KLF12: variants seen among roughly 807,000 people sequenced by gnomAD.
KLF12 encodes KLF transcription factor 12.
A neutral mutation model predicts 37.8 loss-of-function variants in KLF12; 9 were observed. The ratio of observed to expected loss-of-function variants is 0.24; its 90% CI spans 0.14 to 0.42. KLF12 has a LOEUF of 0.42. KLF12 is among the 10% of genes least tolerant of loss of function. The probability of loss-of-function intolerance (pLI) is 1.00; values close to 1 mark genes in which losing one functional copy is unlikely to be tolerated. For missense variants in KLF12, 411 were observed against 516.0 expected (o/e 0.80, Z 1.97); for synonymous variants, 208 against 202.1 (o/e 1.03, Z -0.25).
At chr13:74,260,553 CTAAAATAAAA>C in the KLF12 span, among the ~76,000 whole-genome samples, 60 of 101,718 alleles carry the variant, frequency 5.9e-4, 1 homozygote, top group African/African-American at 2.7e-3. Context: ...AACACTGTTT[CTAAAATAAAA>C]TAAAATAAAA....
chr13:73,794,333 C>T (rs750005201), intron 5 of KLF12, among the ~76,000 whole-genome samples: 10 of 152,124 alleles, frequency 6.6e-5, no homozygotes, highest in Non-Finnish European at 1.3e-4. Context: ...TGATGGTATG[C>T]GCTTGTAGTC....
At chr13:74,067,993 G>A (rs186525839) in intron 1 of KLF12, among the ~76,000 whole-genome samples, 5 of 152,270 alleles carry the variant, frequency 3.3e-5, no homozygotes, top group Non-Finnish European at 7.4e-5. Flanking sequence ...ATTAACCAAT[G>A]AGCTCCATTC....
At chr13:73,822,628 TAG>T (rs1491381147) in intron 4 of KLF12, among the ~76,000 whole-genome samples, 2 of 152,202 alleles carry the variant, frequency 1.3e-5, no homozygotes, top group African/African-American at 4.8e-5. Context: ...CAACAGCTAC[TAG>T]AGTTTCATTT....
chr13:73,916,169 C>A (rs1177505289), intron 3 of KLF12, among the ~76,000 whole-genome samples: 2 of 151,302 alleles, frequency 1.3e-5, no homozygotes, highest in East Asian at 3.9e-4. Context: ...ATGAAACAGG[C>A]AAATAAACAG....
chr13:73,890,106 C>T (rs909064729), intron 3 of KLF12, among the ~76,000 whole-genome samples: 1 of 151,962 alleles, frequency 6.6e-6, no homozygotes, highest in Non-Finnish European at 1.5e-5. Context: ...ATAGTAGGAG[C>T]ATATCTGGTC....
At chr13:73,994,235 T>C (rs564800719) in intron 2 of KLF12, among the ~76,000 whole-genome samples, 1 of 152,188 alleles carries the variant, frequency 6.6e-6, no homozygotes, top group South Asian at 2.1e-4. Context: ...GGAAGGAAAA[T>C]ATGAAATTGT....
intron 1 of KLF12, among the ~76,000 whole-genome samples, chr13:73,996,748 G>C (rs1360521682): frequency 6.6e-6 from 1 of 152,126 alleles, no homozygotes; most frequent in African/African-American, 2.4e-5. Flanking sequence ...CCTCTGGACA[G>C]ACACAAAGAG....
At chr13:73,895,407 A>T (rs1887716200) in intron 3 of KLF12, among the ~76,000 whole-genome samples, 1 of 152,210 alleles carries the variant, frequency 6.6e-6, no homozygotes, top group Non-Finnish European at 1.5e-5. Context: ...CAACCAGGCA[A>T]CACTGTTCAC....
At chr13:73,697,668 C>T (rs969077221) in intron 7 of KLF12, among the ~76,000 whole-genome samples, 3 of 152,006 alleles carry the variant, frequency 2.0e-5, no homozygotes, top group Admixed American at 1.3e-4. Context: ...ATCTTTGGTA[C>T]ATTGAGCTGA....
At chr13:73,703,869 G>A (rs1196391021) in intron 7 of KLF12, among the ~76,000 whole-genome samples, 1 of 152,196 alleles carries the variant, frequency 6.6e-6, no homozygotes, top group Admixed American at 6.5e-5. Context: ...GCAAATGTGA[G>A]CTACTACTCA....
intron 5 of KLF12, among the ~76,000 whole-genome samples, chr13:73,786,209 G>A (rs1881333637): frequency 6.6e-6 from 1 of 152,188 alleles, no homozygotes; most frequent in South Asian, 2.1e-4. Flanking sequence ...TTTGCTAGAA[G>A]CGTCCTCTGG....
intron 3 of KLF12, among the ~76,000 whole-genome samples, chr13:73,923,079 A>C (rs1022089534): frequency 1.3e-5 from 2 of 152,198 alleles, no homozygotes; most frequent in Admixed American, 6.5e-5. Context: ...TCCTCTTCAA[A>C]GTTATGGCAC....
chr13:73,859,104 TG>T (rs1885769820), intron 3 of KLF12, among the ~76,000 whole-genome samples: 1 of 152,192 alleles, frequency 6.6e-6, no homozygotes, highest in Admixed American at 6.6e-5. Context: ...GGAGCCTCTC[TG>T]TCATTAGGTC....
intron 4 of KLF12, among the ~76,000 whole-genome samples, chr13:73,824,695 T>C (rs1489668616): frequency 6.6e-6 from 1 of 152,206 alleles, no homozygotes; most frequent in African/African-American, 2.4e-5. Flanking sequence ...AAAGGTCTTT[T>C]CCACATTAAT....
At position 73,943,997 on chromosome 13, in the gene KLF12, A is replaced by C; in HGVS notation, c.107T>G (p.Leu36Trp). 1 of 1,611,424 alleles carries C rather than the reference A, an allele frequency of 6.2e-7. No homozygotes were observed. Among genetic ancestry groups the C allele is most frequent in the Non-Finnish European group, 8.5e-7 (1 of 1,177,954 alleles). Residue 36 changes from leucine to tryptophan, a missense_variant, in exon 3 of 8, where the codon TTG becomes TGG. Leu to Trp is a moderately conservative substitution (Grantham distance 61). Coordinates refer to ENST00000377669, the MANE Select transcript of KLF12 (RefSeq NM_007249.5). ...TGTGCTTACCCCTTGTTCAGATTCC[A>C]AAAGCTCTGTTTTGACTCTGACTGC...
chr13:74,195,217 C>T, the KLF12 span, among the ~76,000 whole-genome samples: 7 of 152,128 alleles, frequency 4.6e-5, no homozygotes, highest in African/African-American at 1.7e-4. Context: ...AACTTACAGA[C>T]AGCAGAATTT....
chr13:73,805,805 G>A (rs983044977), intron 5 of KLF12, among the ~76,000 whole-genome samples: 3 of 151,972 alleles, frequency 2.0e-5, no homozygotes, highest in African/African-American at 7.3e-5. Context: ...GAGGCATAAA[G>A]TTTTTTTTCT....
chr13:74,033,635 G>T (rs1893170209), intron 1 of KLF12, among the ~76,000 whole-genome samples: 1 of 152,076 alleles, frequency 6.6e-6, no homozygotes, highest in Non-Finnish European at 1.5e-5. Flanking sequence ...CTTTTGTTTT[G>T]AATGGCAGCT....
At chr13:74,212,863 T>G in the KLF12 span, among the ~76,000 whole-genome samples, 1 of 152,174 alleles carries the variant, frequency 6.6e-6, no homozygotes, top group Admixed American at 6.5e-5. Flanking sequence ...TAAATTCTTT[T>G]TTTTCAGTTA....
Sources: gnomAD v4.1 joint callset for allele counts (sites outside exome capture counted in the v4.1 genomes callset) on GRCh38, gnomAD v4.1.1 for gene constraint, MANE v1.5 for transcripts, NCBI Gene and HGNC (gene_info 2026-07-23, HGNC 2026-07-21) for gene names.